The following ANKRD42 variants were observed in gnomAD, a reference collection of about 807,000 sequenced individuals.
The protein encoded by ANKRD42 is ankyrin repeat domain-containing protein 42.
In ANKRD42, 43 loss-of-function variants were observed where a neutral mutation model predicts 51.5. That is an observed-to-expected ratio of 0.83 (90% CI 0.65 to 1.08). The LOEUF is 1.08. Ranked by LOEUF, ANKRD42 falls within the 50% of genes least tolerant of loss-of-function variation. The pLI is 0.00. For synonymous variants in ANKRD42, 203 were observed against 213.0 expected (o/e 0.95, Z 0.41); for missense variants, 608 against 629.3 (o/e 0.97, Z 0.36).
chr11:83,262,295 ATC>A (rs1415594217), downstream of ANKRD42, among the ~76,000 whole-genome samples: 1 of 152,178 alleles, frequency 6.6e-6, no homozygotes, highest in African/African-American at 2.4e-5. Flanking sequence ...GATAAATGAA[ATC>A]TTTCTTATAT....
chr11:83,222,902 G>A (rs61900278), intron 5 of ANKRD42, among the ~76,000 whole-genome samples: 3 of 152,102 alleles, frequency 2.0e-5, no homozygotes, highest in Admixed American at 2.0e-4. Flanking sequence ...ACCATGCCCA[G>A]CTTTATTGGA....
chr11:83,222,408 T>C (rs12226681), intron 5 of ANKRD42, among the ~76,000 whole-genome samples: 40,341 of 151,996 alleles, frequency 0.27, 5,532 homozygotes, highest in Middle Eastern at 0.41. Context: ...GAGAGACAGG[T>C]AATCATCTAA....
intron 7 of ANKRD42, among the ~76,000 whole-genome samples, chr11:83,232,222 C>G (rs906662574): frequency 1.3e-5 from 2 of 151,198 alleles, no homozygotes; most frequent in Admixed American, 1.3e-4. Flanking sequence ...TTCTTCCAGT[C>G]TATGAACATG....
intron 5 of ANKRD42, among the ~76,000 whole-genome samples, chr11:83,224,268 T>C (rs1468904865): frequency 6.6e-6 from 1 of 151,098 alleles, no homozygotes; most frequent in Non-Finnish European, 1.5e-5. Flanking sequence ...TATTGGTTTA[T>C]TTCTTCCACT....
chr11:83,195,582 A>G (rs1020581346), intron 1 of ANKRD42, among the ~76,000 whole-genome samples: 1 of 152,116 alleles, frequency 6.6e-6, no homozygotes, highest in African/African-American at 2.4e-5. Flanking sequence ...TTATATCTAT[A>G]TATCCTCTCT....
chr11:83,234,040 C>A (rs1182561092), intron 7 of ANKRD42, among the ~76,000 whole-genome samples: 1 of 152,146 alleles, frequency 6.6e-6, no homozygotes, highest in Non-Finnish European at 1.5e-5. Context: ...CTTATAACTA[C>A]AATATTTCCT....
rs1459723488 is a variant in ANKRD42 at position 83,194,438 on chromosome 11, G to A, written c.-233G>A. The stretch of plus-strand genomic sequence containing the variant: ...GCCAGCGACTCCTCTGGTGTGAGCG[G>A]CAGTGAAGACGCCAGCTACCGCTTC... On this transcript the variant is annotated 5_prime_UTR_variant, in exon 1 of 11. Transcript: ENST00000533342. The A allele has an allele frequency of 4.3e-6, 3 of 692,436 alleles. No individual in the cohort carries two copies. Among genetic ancestry groups the A allele is most frequent in the East Asian group, 2.7e-5 (1 of 36,516 alleles). The allele number at this position is 692,436 out of a possible 1,614,324, so 42.9% of individuals were successfully genotyped here. A position where few individuals can be genotyped will look rare whatever the true frequency, so the allele number is the denominator to read the frequency against.
At chr11:83,252,140 C>T (rs1227497043), downstream of ANKRD42, among the ~76,000 whole-genome samples, 2 of 152,080 alleles carry the variant, frequency 1.3e-5, no homozygotes. Context: ...TCCAAGTGGC[C>T]AATAAACATG....
intron 7 of ANKRD42, among the ~76,000 whole-genome samples, chr11:83,229,825 T>C (rs1442700983): frequency 6.6e-6 from 1 of 152,112 alleles, no homozygotes; most frequent in Non-Finnish European, 1.5e-5. Flanking sequence ...AAGAGCATTG[T>C]TGGGGGACAT....
At chr11:83,242,513 G>A (rs144935035) in intron 9 of ANKRD42, among the ~76,000 whole-genome samples, 2 of 151,768 alleles carry the variant, frequency 1.3e-5, no homozygotes, top group Non-Finnish European at 2.9e-5. Flanking sequence ...AGAAAAAGAG[G>A]GTAATCAAGG....
At position 83,232,904 on chromosome 11, in the gene ANKRD42, T is replaced by C. The variant is rs527495190; in HGVS notation, c.914-3500T>C. Reference sequence around the variant, plus strand: ...TATTGATTGATTTGCATATGTTGAATCATCGGTGTATCGCAGAGGTAAATC... The same window carrying C: ...TATTGATTGATTTGCATATGTTGAACCATCGGTGTATCGCAGAGGTAAATC... On this transcript the variant is annotated intron_variant, in intron 7 of 10. Coordinates refer to ENST00000533342, the MANE Select transcript of ANKRD42 (RefSeq NM_001300975.2). Among the ~76,000 whole-genome samples, 52 of 152,344 alleles carry C rather than the reference T, an allele frequency of 3.4e-4. 1 individual carries two copies. Among genetic ancestry groups the C allele is most frequent in the African/African-American group, 1.3e-3 (52 of 41,586 alleles).
intron 4 of ANKRD42, 69 bp downstream of exon 4, chr11:83,210,488 T>C: frequency 6.4e-7 from 1 of 1,559,614 alleles, no homozygotes; most frequent in Middle Eastern, 1.7e-4. Context: ...GTAGTCTAGT[T>C]ATCTCTTCCT....
chr11:83,212,636 A>G, intron 5 of ANKRD42: 1 of 1,527,252 alleles, frequency 6.5e-7, no homozygotes, highest in African/African-American at 1.4e-5. Context: ...GCCTGATCAA[A>G]TCACTTTGCT....
chr11:83,208,286 C>A (rs1767380113), intron 3 of ANKRD42, among the ~76,000 whole-genome samples: 1 of 152,054 alleles, frequency 6.6e-6, no homozygotes, highest in South Asian at 2.1e-4. Flanking sequence ...CCTGCCTTGG[C>A]CTCCCAAAAT....
chr11:83,236,802 G>A (rs1014296109), intron 8 of ANKRD42, among the ~76,000 whole-genome samples: 4 of 152,120 alleles, frequency 2.6e-5, no homozygotes, highest in Non-Finnish European at 4.4e-5. Context: ...CTGGAGGTCC[G>A]GTCTGGGAAT....
intron 7 of ANKRD42, 98 bp downstream of exon 7, chr11:83,227,970 T>C: frequency 7.3e-7 from 1 of 1,379,174 alleles, no homozygotes; most frequent in Non-Finnish European, 9.7e-7. Context: ...AACATGAAAC[T>C]TTTTTCTGAT....
At chr11:83,214,973 CAT>C (rs930055711) in intron 5 of ANKRD42, 1 of 152,210 alleles carries the variant, frequency 6.6e-6, no homozygotes, top group African/African-American at 2.4e-5. Context: ...TGAATGAAAA[CAT>C]ATAATATTTG....
chr11:83,227,966 A>G, intron 7 of ANKRD42, 94 bp downstream of exon 7: 1 of 1,447,536 alleles, frequency 6.9e-7, no homozygotes, highest in Non-Finnish European at 9.1e-7. Context: ...ATGAAACATG[A>G]AACTTTTTTC....
chr11:83,203,924 G>C (rs1404439428), intron 2 of ANKRD42, among the ~76,000 whole-genome samples: 2 of 151,902 alleles, frequency 1.3e-5, no homozygotes, highest in Non-Finnish European at 2.9e-5. Flanking sequence ...TTTCCATCTG[G>C]TTCGGTTCTC....
Sources: allele counts gnomAD v4.1 joint callset (sites outside exome capture counted in the v4.1 genomes callset), GRCh38; gene constraint gnomAD v4.1.1; transcripts MANE v1.5; gene names NCBI Gene and HGNC (gene_info 2026-07-23, HGNC 2026-07-21).